The following ADAMTS2 variants were observed in gnomAD, a reference collection of about 807,000 sequenced individuals.
ADAMTS2 encodes ADAM metallopeptidase with thrombospondin type 1 motif 2.
Under a neutral mutation model 123.0 loss-of-function variants are expected in ADAMTS2, and 50 were observed. That is an observed-to-expected ratio of 0.41 (90% confidence interval 0.32 to 0.51). The LOEUF (loss-of-function observed/expected upper bound fraction) is 0.51. ADAMTS2 is among the 20% of genes least tolerant of loss of function. The probability of loss-of-function intolerance (pLI) is 0.35; values close to 1 mark genes in which losing one functional copy is unlikely to be tolerated. For synonymous variants in ADAMTS2, 678 were observed against 695.4 expected, an observed-to-expected ratio of 0.98 and a Z score of 0.39; for missense variants, 1,494 against 1,705.2, an observed-to-expected ratio of 0.88 and a Z score of 2.18.
chr5:179,210,291 C>T (rs918705500), intron 3 of ADAMTS2, among the ~76,000 whole-genome samples: 7 of 152,204 alleles, frequency 4.6e-5, no homozygotes, highest in African/African-American at 1.4e-4. Context: ...AGACATTCCC[C>T]GTAGGAGGGC....
chr5:179,333,049 G>T (rs1297494814), intron 2 of ADAMTS2, among the ~76,000 whole-genome samples: 1 of 152,186 alleles, frequency 6.6e-6, no homozygotes, highest in African/African-American at 2.4e-5. Flanking sequence ...ATGCGACGGC[G>T]GCTGCCTTCC....
chr5:179,232,828 T>A (rs1765439535), intron 3 of ADAMTS2, among the ~76,000 whole-genome samples: 1 of 152,150 alleles, frequency 6.6e-6, no homozygotes, highest in African/African-American at 2.4e-5. Context: ...CATGTTTGTA[T>A]ACATTCTTCT....
At chr5:179,247,757 C>T (rs773660375) in intron 3 of ADAMTS2, among the ~76,000 whole-genome samples, 13 of 150,912 alleles carry the variant, frequency 8.6e-5, no homozygotes, top group Admixed American at 2.7e-4. Flanking sequence ...TACTGTCCTG[C>T]GGCTAAAAAT....
At chr5:179,207,489 T>G in intron 4 of ADAMTS2, 24 bp downstream of exon 4, 9 of 470,854 alleles carry the variant, frequency 1.9e-5, no homozygotes, top group Non-Finnish European at 2.7e-5. Flanking sequence ...CGCCCCACCC[T>G]GCCCCCTCAG....
At chr5:179,342,604 G>GC (rs1757807921) in intron 2 of ADAMTS2, among the ~76,000 whole-genome samples, 2 of 152,376 alleles carry the variant, frequency 1.3e-5, no homozygotes, top group South Asian at 4.1e-4. Context: ...GTACGGGCGT[G>GC]CTCAGGGGCC....
intron 2 of ADAMTS2, among the ~76,000 whole-genome samples, chr5:179,287,812 G>A (rs114134090): frequency 1.3e-3 from 203 of 152,328 alleles, no homozygotes; most frequent in African/African-American, 4.6e-3. Context: ...CTGGCTCCCA[G>A]CAGTGTGGGG....
rs150587776 is a variant in ADAMTS2, at chr5:179,132,814, C to G, written c.2172G>C (p.Val724=). The G allele has an allele frequency of 1.5e-5, 25 of 1,614,020 alleles. No individual in the cohort carries two copies. The highest frequency in any genetic ancestry group is 2.7e-5 in the African/African-American group (2 of 74,918). ...GTGACCGTGTGAACGTGCCCTTGACCACTTTGCAGTGGCTGTTGTCCCCTC... is the reference window on the plus strand; with the variant it reads ...GTGACCGTGTGAACGTGCCCTTGACGACTTTGCAGTGGCTGTTGTCCCCTC... ...VCGGDNSHCK[V]VKGTFTRSPK... Residue 724 remains valine, a synonymous_variant, in exon 14 of 22, where the codon GTG becomes GTC. Transcript: ENST00000251582. This position sits in a 1 kb window ranked among gnomAD's most constrained non-coding sequence, Gnocchi z 6.1.
intron 3 of ADAMTS2, among the ~76,000 whole-genome samples, chr5:179,213,415 T>C (rs2113388551): frequency 6.6e-6 from 1 of 152,188 alleles, no homozygotes; most frequent in Admixed American, 6.5e-5. Context: ...ATGGAGACCA[T>C]GGGGTCTGGT....
chr5:179,154,632 G>GT (rs1192522320), intron 7 of ADAMTS2, among the ~76,000 whole-genome samples, 182 bp downstream of exon 7: 3 of 152,216 alleles, frequency 2.0e-5, no homozygotes, highest in African/African-American at 7.2e-5. Context: ...CCTTCAATTG[G>GT]TTCCTTCAGC....
At chr5:179,300,915 C>T (rs1198461399) in intron 2 of ADAMTS2, among the ~76,000 whole-genome samples, 1 of 152,166 alleles carries the variant, frequency 6.6e-6, no homozygotes, top group Non-Finnish European at 1.5e-5. Context: ...CAGAAGAAAG[C>T]CAATTAAAAG....
intron 3 of ADAMTS2, among the ~76,000 whole-genome samples, chr5:179,215,905 T>C (rs1050047157): frequency 1.3e-5 from 2 of 152,172 alleles, no homozygotes; most frequent in African/African-American, 2.4e-5. Context: ...AGGAAAATGA[T>C]TGTCCAACTG....
At chr5:179,255,744 T>A (rs984403725) in intron 3 of ADAMTS2, among the ~76,000 whole-genome samples, 1 of 152,164 alleles carries the variant, frequency 6.6e-6, no homozygotes, top group Non-Finnish European at 1.5e-5. Context: ...AAAACCAATG[T>A]GCCCCCAAGC....
At position 179,262,044 on chromosome 5, in the gene ADAMTS2, C is replaced by T. The variant is rs889646139; in HGVS notation, c.688+10867G>A. On this transcript the variant is annotated intron_variant, in intron 3 of 21. Transcript: ENST00000251582. This position sits in a 1 kb window ranked among gnomAD's most constrained non-coding sequence, Gnocchi z 5.9. The stretch of plus-strand genomic sequence containing the variant: ...CCCGTGAGTCTGGGAACACATGGGT[C>T]TTGGCCTTGGCACCTTCTTTCCTGG... Among the ~76,000 whole-genome samples the T allele has an allele frequency of 6.6e-6, 1 of 152,190 alleles. No homozygotes were observed. Among genetic ancestry groups the T allele is most frequent in the Non-Finnish European group, 1.5e-5 (1 of 68,020 alleles).
At chr5:179,255,147 G>C (rs1766017558) in intron 3 of ADAMTS2, among the ~76,000 whole-genome samples, 1 of 152,198 alleles carries the variant, frequency 6.6e-6, no homozygotes, top group African/African-American at 2.4e-5. Flanking sequence ...TGAGTGGGTA[G>C]ACGAATGAAT....
chr5:179,217,875 AGAC>A (rs1302223163), intron 3 of ADAMTS2, among the ~76,000 whole-genome samples: 48 of 52,304 alleles, frequency 9.2e-4, no homozygotes, highest in African/African-American at 4.0e-3. Flanking sequence ...GCCTGAGGGC[AGAC>A]GGCACACTCA....
In ADAMTS2 at chr5:179,117,062, A is replaced by G. The variant is rs1762670113; in HGVS notation, c.3179-2738T>C. 6.6e-6 allele frequency among the ~76,000 whole-genome samples: 1 copy of G among 152,198 alleles called. No homozygotes were observed. Among genetic ancestry groups the G allele is most frequent in the African/African-American group, 2.4e-5 (1 of 41,450 alleles). On this transcript the variant is annotated intron_variant, in intron 21 of 21. Coordinates refer to ENST00000251582, the MANE Select transcript of ADAMTS2 (RefSeq NM_014244.5). This position sits in a 1 kb window ranked among gnomAD's most constrained non-coding sequence, Gnocchi z 4.2. ...GATAAAAATCTTACACAGGTGCCCA[A>G]TATATGAAACAGATAGACTCAGACT...
At chr5:179,248,949 G>A (rs1188276822) in intron 3 of ADAMTS2, among the ~76,000 whole-genome samples, 2 of 152,102 alleles carry the variant, frequency 1.3e-5, no homozygotes. Flanking sequence ...TTCTTCTCAT[G>A]TATGATGATC....
intron 3 of ADAMTS2, among the ~76,000 whole-genome samples, chr5:179,265,179 T>C (rs931824442): frequency 1.3e-5 from 2 of 152,184 alleles, no homozygotes; most frequent in African/African-American, 2.4e-5. Flanking sequence ...GCACTCGAGT[T>C]GGGGCTGCAG....
intron 2 of ADAMTS2, among the ~76,000 whole-genome samples, chr5:179,300,953 G>A (rs887533444): frequency 2.6e-5 from 4 of 152,052 alleles, no homozygotes; most frequent in East Asian, 1.9e-4. Context: ...GACAGAGGCC[G>A]GAGGATGTCC....
Sources: gnomAD v4.1 joint callset for allele counts (sites outside exome capture counted in the v4.1 genomes callset) on GRCh38, gnomAD v4.1.1 for gene constraint, Gnocchi (gnomAD v3.1) non-coding constraint, MANE v1.5 for transcripts, NCBI Gene and HGNC (gene_info 2026-07-23, HGNC 2026-07-21) for gene names.